Variants in BMPR1A observed in about 807,000 individuals in gnomAD.
BMPR1A encodes bone morphogenetic protein receptor type-1A.
BMPR1A carries 7 observed loss-of-function variants against 66.0 expected under a neutral mutation model. The observed-to-expected ratio is 0.11, with a 90% confidence interval of 0.06 to 0.20. BMPR1A has a LOEUF of 0.20. Among genes scored for constraint, BMPR1A ranks in the 10% least tolerant of loss-of-function variants. The pLI is 1.00. For synonymous variants in BMPR1A, 200 were observed against 229.7 expected (o/e 0.87, Z 1.17); for missense variants, 408 against 669.1 (o/e 0.61, Z 4.31).
chr10:86,846,178 C>A, intron 2 of BMPR1A, among the ~76,000 whole-genome samples: 1 of 152,118 alleles, frequency 6.6e-6, no homozygotes, highest in Non-Finnish European at 1.5e-5. Flanking sequence ...GGAAGGCAAG[C>A]CCGCATCTGG....
chr10:86,815,813 A>T (rs929364227), intron 1 of BMPR1A, among the ~76,000 whole-genome samples: 10 of 152,120 alleles, frequency 6.6e-5, no homozygotes, highest in African/African-American at 2.4e-4. Flanking sequence ...GGGAACATTT[A>T]ATTCCTTTGC....
intron 2 of BMPR1A, among the ~76,000 whole-genome samples, chr10:86,844,600 T>C (rs912328182): frequency 6.6e-6 from 1 of 152,208 alleles, no homozygotes; most frequent in African/African-American, 2.4e-5. Flanking sequence ...TGATGACTGA[T>C]TTAGAACTTT....
intron 8 of BMPR1A, among the ~76,000 whole-genome samples, chr10:86,913,270 G>A (rs948822427): frequency 2.0e-5 from 3 of 148,490 alleles, no homozygotes; most frequent in Admixed American, 6.8e-5. Flanking sequence ...ATTACCAGAT[G>A]CACCACCACA....
In BMPR1A at chr10:86,927,191, T is replaced by C. The variant is rs1203131480; in HGVS notation, c.*3472T>C. 2 of 187,448 alleles carry C rather than the reference T, an allele frequency of 1.1e-5. No individual in the cohort carries two copies. Among genetic ancestry groups the C allele is most frequent in the Non-Finnish European group, 2.3e-5 (2 of 88,852 alleles). The allele number at this position is 187,448 out of a possible 1,614,324, so 11.6% of individuals were successfully genotyped here. On this transcript the variant is annotated 3_prime_UTR_variant, in exon 13 of 13. Transcript: ENST00000372037. ...TGTTTAGAACAAAAATGCACTATAG[T>C]TTTTAAAGAATCATGCATCTTTGGG...
chr10:86,811,334 C>T lies in BMPR1A; in HGVS notation c.-267-27531C>T, dbSNP rs759861532. On this transcript the variant is annotated intron_variant, in intron 1 of 12. Transcript: ENST00000372037. ...GATTACAGGCGTGAGCCACCACTCC[C>T]GGCCAGAAGCACAATTTTTAATTTT... 6.6e-5 allele frequency among the ~76,000 whole-genome samples: 10 copies of T among 152,252 alleles called. 1 individual carries two copies. In the South Asian group the frequency reaches 1.2e-3, roughly 19 times the overall value.
chr10:86,890,198 A>G lies in BMPR1A; in HGVS notation c.204A>G (p.Pro68=), dbSNP rs1843128030. The G allele has an allele frequency of 6.2e-7, 1 of 1,614,190 alleles. No homozygotes were observed. The highest frequency in any genetic ancestry group is 8.5e-7 in the Non-Finnish European group (1 of 1,180,020). ...FLKCYCSGHC[P]DDAINNTCIT... is the part of the protein sequence containing the mutation. ...AGTGCTATTGCTCAGGGCACTGTCC[A>G]GATGATGCTATTAATAACACATGCA... Residue 68 remains proline (P), a synonymous_variant, in exon 4 of 13, where the codon CCA becomes CCG. Transcript: ENST00000372037.
chr10:86,768,272 T>G (rs976472722), intron 1 of BMPR1A, among the ~76,000 whole-genome samples: 1 of 152,140 alleles, frequency 6.6e-6, no homozygotes, highest in African/African-American at 2.4e-5. Flanking sequence ...ATATCTTAAA[T>G]ATAAAGAGCG....
chr10:86,797,982 A>G (rs748220972), intron 1 of BMPR1A, among the ~76,000 whole-genome samples: 7 of 152,194 alleles, frequency 4.6e-5, no homozygotes, highest in Non-Finnish European at 8.8e-5. Context: ...CTTAGGAGAG[A>G]TTTTTGAATC....
At chr10:86,773,133 T>G (rs953278475) in intron 1 of BMPR1A, among the ~76,000 whole-genome samples, 1 of 151,836 alleles carries the variant, frequency 6.6e-6, no homozygotes, top group African/African-American at 2.4e-5. Context: ...GTTATCTTTT[T>G]TTTTTTTTTT....
In BMPR1A at chr10:86,900,808, G is replaced by A. The variant is rs144092336; in HGVS notation, c.530+682G>A. 1.2e-4 allele frequency among the ~76,000 whole-genome samples: 19 copies of A among 152,300 alleles called. No homozygotes were observed. The East Asian group carries it at 3.1e-3, about 25-fold the overall frequency. ...TAGACTTGGAATCTTCTGTTAGGGAGGTGATGCGAAAGTCATATGATTATT... is the reference window on the plus strand; with the variant it reads ...TAGACTTGGAATCTTCTGTTAGGGAAGTGATGCGAAAGTCATATGATTATT... On this transcript the variant is annotated intron_variant, in intron 7 of 12. Coordinates refer to ENST00000372037, the MANE Select transcript of BMPR1A (RefSeq NM_004329.3).
chr10:86,827,211 C>T (rs992377885), intron 1 of BMPR1A, among the ~76,000 whole-genome samples: 2 of 151,924 alleles, frequency 1.3e-5, no homozygotes, highest in African/African-American at 4.8e-5. Context: ...TGTGTTGTCC[C>T]TTTAACATAC....
intron 2 of BMPR1A, among the ~76,000 whole-genome samples, chr10:86,864,137 T>C (rs1209866191): frequency 6.6e-6 from 1 of 152,190 alleles, no homozygotes; most frequent in Non-Finnish European, 1.5e-5. Context: ...ATCTCCAGTT[T>C]TGCCTCGCAC....
chr10:86,804,798 T>G (rs911496543), intron 1 of BMPR1A, among the ~76,000 whole-genome samples: 8 of 150,024 alleles, frequency 5.3e-5, no homozygotes, highest in Middle Eastern at 3.4e-3. Flanking sequence ...AGGTGTTTTT[T>G]TTTTTTTTTT....
At chr10:86,832,447 CAA>C (rs749983668) in intron 1 of BMPR1A, among the ~76,000 whole-genome samples, 2 of 134,334 alleles carry the variant, frequency 1.5e-5, no homozygotes, top group Non-Finnish European at 3.1e-5. Context: ...GCCTGGGCGA[CAA>C]GAGCGAAACT....
At chr10:86,854,459 A>G (rs867348903) in intron 2 of BMPR1A, among the ~76,000 whole-genome samples, 1 of 152,208 alleles carries the variant, frequency 6.6e-6, no homozygotes, top group Admixed American at 6.5e-5. Context: ...AATCTTCACA[A>G]TTTGTGTTTA....
At chr10:86,819,417 T>TCTCCTGCCTCAGC (rs1842086801) in intron 1 of BMPR1A, among the ~76,000 whole-genome samples, 2 of 152,250 alleles carry the variant, frequency 1.3e-5, no homozygotes, top group South Asian at 4.2e-4. Flanking sequence ...CTCAAGCGAT[T>TCTCCTGCCTCAGC]CTCCTGCCTC....
chr10:86,896,170 A>G (rs201331248), intron 5 of BMPR1A, among the ~76,000 whole-genome samples: 15 of 135,450 alleles, frequency 1.1e-4, no homozygotes, highest in Non-Finnish European at 1.3e-4. Flanking sequence ...GAAAAGAAAA[A>G]AAAAAAAAAA....
At chr10:86,836,127 C>G (rs1171855829) in intron 1 of BMPR1A, among the ~76,000 whole-genome samples, 2 of 152,162 alleles carry the variant, frequency 1.3e-5, no homozygotes, top group African/African-American at 2.4e-5. Flanking sequence ...TTGACTAACA[C>G]CCCTGGTGGT....
In BMPR1A at chr10:86,818,630, T is replaced by TTCAAAATTC. The variant is rs1419030023; in HGVS notation, c.-267-20229_-267-20221dup. Among the ~76,000 whole-genome samples the TTCAAAATTC allele has an allele frequency of 3.3e-5, 5 of 152,300 alleles. No individual in the cohort carries two copies. The East Asian group carries it at 9.6e-4, about 29-fold the overall frequency. ...GTAGTATAAGCAAAACAACAAAATATTCAAAATTCTCAAATAAGTACTATT... is the reference window on the plus strand; with the variant it reads ...GTAGTATAAGCAAAACAACAAAATATTCAAAATTCTCAAAATTCTCAAATAAGTACTATT... On this transcript the variant is annotated intron_variant, in intron 1 of 12. Coordinates refer to ENST00000372037, the MANE Select transcript of BMPR1A (RefSeq NM_004329.3).
Sources: gnomAD v4.1 joint callset for allele counts (sites outside exome capture counted in the v4.1 genomes callset) on GRCh38, gnomAD v4.1.1 for gene constraint, MANE v1.5 for transcripts, NCBI Gene and HGNC (gene_info 2026-07-23, HGNC 2026-07-21) for gene names.